The following NRXN3 variants were observed in gnomAD, a reference collection of about 807,000 sequenced individuals.
The protein encoded by NRXN3 is neurexin 3.
In NRXN3, 32 loss-of-function variants were observed where a neutral mutation model predicts 137.6. That is an observed-to-expected ratio of 0.23 (90% CI 0.18 to 0.31). The LOEUF (loss-of-function observed/expected upper bound fraction) is 0.31, where lower values mean the gene tolerates loss of function less well. NRXN3 is among the 10% of genes least tolerant of loss of function. The pLI, the probability that NRXN3 is intolerant of heterozygous loss-of-function variation, is 1.00. For missense variants in NRXN3, 1,574 were observed against 2,062.5 expected (o/e 0.76, Z 4.59); for synonymous variants, 798 against 784.5 (o/e 1.02, Z -0.29).
At chr14:78,611,213 A>C (rs1199792790) in intron 4 of NRXN3, among the ~76,000 whole-genome samples, 1 of 152,190 alleles carries the variant, frequency 6.6e-6, no homozygotes, top group Non-Finnish European at 1.5e-5. Context: ...AATGGGCAAT[A>C]ACACACCATT....
Position 78,668,037 on chromosome 14 carries a change from C to T in NRXN3, c.1221+16711C>T, listed in dbSNP as rs191042210. On this transcript the variant is annotated intron_variant, in intron 6 of 20. Coordinates refer to ENST00000335750, the MANE Select transcript of NRXN3 (RefSeq NM_001330195.2). ...CTGACCTCAGGTGATGCACCCACCTCGGTCTCCCAAAGTGTTGGGATTACA... is the reference window on the plus strand; with the variant it reads ...CTGACCTCAGGTGATGCACCCACCTTGGTCTCCCAAAGTGTTGGGATTACA... Among the ~76,000 whole-genome samples, 7 of 152,288 alleles carry T rather than the reference C, an allele frequency of 4.6e-5. No homozygotes were observed. In the East Asian group the frequency reaches 1.4e-3, roughly 29 times the overall value.
chr14:78,284,140 G>C (rs996211641), intron 3 of NRXN3, among the ~76,000 whole-genome samples: 1 of 152,276 alleles, frequency 6.6e-6, no homozygotes, highest in South Asian at 2.1e-4. Context: ...AATCACTAAA[G>C]GGAAAAGTCA....
intron 15 of NRXN3, among the ~76,000 whole-genome samples, chr14:79,256,570 G>A (rs1370380717): frequency 6.6e-6 from 1 of 152,110 alleles, no homozygotes; most frequent in African/African-American, 2.4e-5. Context: ...ATCAAAGGCA[G>A]CTTTCACTCT....
chr14:79,718,796 T>C (rs1260162588), intron 19 of NRXN3, among the ~76,000 whole-genome samples: 1 of 152,208 alleles, frequency 6.6e-6, no homozygotes, highest in African/African-American at 2.4e-5. Flanking sequence ...ATTTTTCATT[T>C]GTCTATATCT....
intron 15 of NRXN3, among the ~76,000 whole-genome samples, chr14:79,105,957 C>G (rs2052352975): frequency 6.6e-6 from 1 of 152,010 alleles, no homozygotes; most frequent in Non-Finnish European, 1.5e-5. Context: ...CTTTTCCTAA[C>G]CTACTAGTGT....
intron 10 of NRXN3, among the ~76,000 whole-genome samples, chr14:78,869,685 A>T (rs1183841205): frequency 6.6e-6 from 1 of 152,092 alleles, no homozygotes; most frequent in African/African-American, 2.4e-5. Context: ...TCCCTTTTCC[A>T]GTTTGATGTT....
chr14:78,448,425 G>T (rs1334234561), intron 4 of NRXN3, among the ~76,000 whole-genome samples: 3 of 152,224 alleles, frequency 2.0e-5, no homozygotes, highest in Admixed American at 2.0e-4. Context: ...AGAACATTGG[G>T]TTTGGGTAGC....
intron 16 of NRXN3, among the ~76,000 whole-genome samples, chr14:79,605,439 T>A (rs969144190): frequency 6.6e-6 from 1 of 152,154 alleles, no homozygotes; most frequent in Non-Finnish European, 1.5e-5. Flanking sequence ...CTTGGGCATA[T>A]TTTGCTCTAC....
intron 4 of NRXN3, among the ~76,000 whole-genome samples, chr14:78,431,635 A>C (rs2093882852): frequency 6.6e-6 from 1 of 152,004 alleles, no homozygotes; most frequent in Non-Finnish European, 1.5e-5. Context: ...TCTTCATATG[A>C]TAGGTAGGAG....
At chr14:78,533,344 C>A (rs1189853821) in intron 4 of NRXN3, among the ~76,000 whole-genome samples, 1 of 152,066 alleles carries the variant, frequency 6.6e-6, no homozygotes, top group East Asian at 1.9e-4. Context: ...CCTCAGCCTC[C>A]CAACCTCCAG....
At chr14:78,794,033 T>G (rs1268237969) in intron 8 of NRXN3, among the ~76,000 whole-genome samples, 1 of 152,160 alleles carries the variant, frequency 6.6e-6, no homozygotes, top group African/African-American at 2.4e-5. Context: ...AATGTTCTCA[T>G]TTTTCATAGG....
chr14:79,241,533 A>G (rs2069916633), intron 15 of NRXN3, among the ~76,000 whole-genome samples: 1 of 152,052 alleles, frequency 6.6e-6, no homozygotes, highest in African/African-American at 2.4e-5. Context: ...ATTCACTACC[A>G]CGAGAACAGT....
chr14:79,618,392 T>A (rs552477278), intron 16 of NRXN3, among the ~76,000 whole-genome samples: 1 of 152,166 alleles, frequency 6.6e-6, no homozygotes, highest in East Asian at 1.9e-4. Context: ...ATATTTATGT[T>A]CATGAGTACT....
chr14:78,604,330 C>T (rs1327184963), intron 4 of NRXN3, among the ~76,000 whole-genome samples: 1 of 149,892 alleles, frequency 6.7e-6, no homozygotes, highest in Non-Finnish European at 1.5e-5. Flanking sequence ...TTACAAGTAT[C>T]GTTTATTCAC....
At chr14:79,146,520 C>A (rs1328082556) in intron 15 of NRXN3, among the ~76,000 whole-genome samples, 1 of 152,056 alleles carries the variant, frequency 6.6e-6, no homozygotes, top group Admixed American at 6.6e-5. Context: ...GAACTTCACT[C>A]TCCTGGAGTG....
chr14:79,100,676 TCAGAATAGGG>T (rs2051115010), intron 15 of NRXN3, among the ~76,000 whole-genome samples: 1 of 152,200 alleles, frequency 6.6e-6, no homozygotes, highest in Non-Finnish European at 1.5e-5. Flanking sequence ...GTCTAGGCTA[TCAGAATAGGG>T]CACCCCATGG....
At chr14:78,317,946 AG>A (rs1366398424) in intron 4 of NRXN3, among the ~76,000 whole-genome samples, 1 of 152,182 alleles carries the variant, frequency 6.6e-6, no homozygotes, top group Admixed American at 6.5e-5. Flanking sequence ...ATTTAGGGGG[AG>A]GCTGGATATT....
chr14:79,295,591 G>A (rs1566705992), intron 15 of NRXN3, among the ~76,000 whole-genome samples: 2 of 152,020 alleles, frequency 1.3e-5, no homozygotes, highest in Non-Finnish European at 2.9e-5. Flanking sequence ...AGTACCTAAG[G>A]CAGTGACTGG....
At chr14:79,119,165 A>T (rs2054990457) in intron 15 of NRXN3, among the ~76,000 whole-genome samples, 1 of 152,200 alleles carries the variant, frequency 6.6e-6, no homozygotes, top group Non-Finnish European at 1.5e-5. Flanking sequence ...ACCTTTTAAA[A>T]TACATACCTT....
Sources: allele counts gnomAD v4.1 joint callset (sites outside exome capture counted in the v4.1 genomes callset), GRCh38; gene constraint gnomAD v4.1.1; transcripts MANE v1.5; gene names NCBI Gene and HGNC (gene_info 2026-07-23, HGNC 2026-07-21).